The following RBM46 variants were observed in gnomAD, a reference collection of about 807,000 sequenced individuals.
RBM46 encodes the protein probable RNA-binding protein 46.
A neutral mutation model predicts 43.3 loss-of-function variants in RBM46; 12 were observed. The ratio of observed to expected loss-of-function variants is 0.28; its 90% CI spans 0.18 to 0.45. The LOEUF (loss-of-function observed/expected upper bound fraction) is 0.45. Among genes scored for constraint, RBM46 ranks in the 20% least tolerant of loss-of-function variants. RBM46 has a pLI of 1.00. For synonymous variants in RBM46, 205 were observed against 207.6 expected (o/e 0.99, Z 0.11); for missense variants, 412 against 639.1 (o/e 0.64, Z 3.83).
chr4:154,827,802 G>A (rs1736035515), intron 4 of RBM46, 66 bp from the exon 5 acceptor site: 1 of 1,601,254 alleles, frequency 6.2e-7, no homozygotes, highest in Non-Finnish European at 8.5e-7. Context: ...TTAATGCTTT[G>A]TCTCTTTAAA....
intron 1 of RBM46, chr4:154,787,079 TTATAA>T (rs766782080): frequency 2.0e-5 from 3 of 152,206 alleles, no homozygotes; most frequent in Non-Finnish European, 4.4e-5. Context: ...AGATAGATCT[TTATAA>T]TATAACTTTA....
chr4:154,803,844 A>G (rs1420750810), intron 4 of RBM46, among the ~76,000 whole-genome samples: 2 of 151,640 alleles, frequency 1.3e-5, no homozygotes, highest in African/African-American at 4.8e-5. Context: ...GCCAAATCTC[A>G]TGTTGAAATG....
chr4:154,822,772 A>C (rs1353027349), intron 4 of RBM46, among the ~76,000 whole-genome samples: 1 of 151,768 alleles, frequency 6.6e-6, no homozygotes, highest in Non-Finnish European at 1.5e-5. Flanking sequence ...TCTGATAAAC[A>C]TACTTCATAG....
Position 154,796,239 on chromosome 4 carries a change from G to C in RBM46, c.-11-503G>C, listed in dbSNP as rs142335947. Among the ~76,000 whole-genome samples, 4 of 152,264 alleles carry C rather than the reference G, an allele frequency of 2.6e-5. No homozygotes were observed. The East Asian group carries it at 7.7e-4, about 29-fold the overall frequency. ...ATGAGCTGTGCATCAAAGGACTCTG[G>C]GATAACACCCAGATTTCTGGTTGTG... On this transcript the variant is annotated intron_variant, in intron 1 of 4. Coordinates refer to ENST00000281722, the MANE Select transcript of RBM46 (RefSeq NM_144979.5).
intron 4 of RBM46, among the ~76,000 whole-genome samples, chr4:154,824,837 G>T (rs748692565): frequency 2.6e-5 from 4 of 152,068 alleles, no homozygotes; most frequent in African/African-American, 9.7e-5. Context: ...AGGCAAAACT[G>T]ATCTATTGAA....
chr4:154,826,474 G>GATAA (rs1051844899), intron 4 of RBM46, among the ~76,000 whole-genome samples: 4 of 151,970 alleles, frequency 2.6e-5, no homozygotes, highest in African/African-American at 4.8e-5. Flanking sequence ...AATAAATAAA[G>GATAA]ATAAATAAAT....
At chr4:154,813,575 A>G (rs1735287345) in intron 4 of RBM46, among the ~76,000 whole-genome samples, 1 of 152,078 alleles carries the variant, frequency 6.6e-6, no homozygotes, top group Non-Finnish European at 1.5e-5. Flanking sequence ...AAAATTCATT[A>G]TGTAATCCAC....
intron 4 of RBM46, among the ~76,000 whole-genome samples, chr4:154,816,450 T>C (rs1418896944): frequency 4.7e-4 from 72 of 152,240 alleles, no homozygotes; most frequent in Non-Finnish European, 1.2e-4. Context: ...CTTCTACATC[T>C]TTCTCCAGAC....
At chr4:154,796,938 T>G in intron 2 of RBM46, 35 bp downstream of exon 2, 2 of 1,577,328 alleles carry the variant, frequency 1.3e-6, no homozygotes, top group Non-Finnish European at 1.7e-6. Context: ...AAATTTAATC[T>G]TTAACCTCGT....
At chr4:154,798,442 A>T (rs1734454199) in intron 3 of RBM46, among the ~76,000 whole-genome samples, 164 bp downstream of exon 3, 1 of 152,228 alleles carries the variant, frequency 6.6e-6, no homozygotes, top group Non-Finnish European at 1.5e-5. Context: ...AAAGACAAGA[A>T]ATTGTTCCAG....
chr4:154,781,808 A>G (rs1733486208), intron 1 of RBM46: 1 of 152,268 alleles, frequency 6.6e-6, no homozygotes, highest in Non-Finnish European at 1.5e-5. Context: ...ATTTCGTGTT[A>G]TTTTCCTGAC....
At chr4:154,782,576 C>T (rs11931893) in intron 1 of RBM46, among the ~76,000 whole-genome samples, 34,014 of 152,014 alleles carry the variant, frequency 0.22, 4,252 homozygotes, top group Middle Eastern at 0.3. Context: ...TTCCGCCTAC[C>T]GGGTTCAAGC....
At chr4:154,826,629 A>C in intron 4 of RBM46, 1 of 615,694 alleles carries the variant, frequency 1.6e-6, no homozygotes, top group Non-Finnish European at 2.8e-6. Context: ...CCTGGAACAG[A>C]TCGCTTTGTT....
At chr4:154,807,648 G>A (rs1016299206) in intron 4 of RBM46, among the ~76,000 whole-genome samples, 1 of 151,752 alleles carries the variant, frequency 6.6e-6, no homozygotes, top group African/African-American at 2.4e-5. Flanking sequence ...CAATCCCAGA[G>A]CATTTCTTCC....
At chr4:154,794,231 A>C (rs1039232977) in intron 1 of RBM46, among the ~76,000 whole-genome samples, 11 of 134,066 alleles carry the variant, frequency 8.2e-5, no homozygotes, top group African/African-American at 3.3e-4. Flanking sequence ...CCCAGGCTGG[A>C]CTGCAGTGGT....
intron 4 of RBM46, among the ~76,000 whole-genome samples, chr4:154,804,814 G>GT (rs575968520): frequency 0.27 from 30,212 of 113,040 alleles, 3,634 homozygotes; most frequent in Non-Finnish European, 0.33. Context: ...GATTAAGGTT[G>GT]TTTTTTTTTT....
chr4:154,783,066 A>G (rs1370758809), intron 1 of RBM46, among the ~76,000 whole-genome samples: 1 of 152,218 alleles, frequency 6.6e-6, no homozygotes, highest in Non-Finnish European at 1.5e-5. Flanking sequence ...CGTTTAAAAC[A>G]TTCTACTTTA....
chr4:154,783,331 C>T (rs539215322), intron 1 of RBM46, among the ~76,000 whole-genome samples: 2 of 152,098 alleles, frequency 1.3e-5, no homozygotes, highest in Admixed American at 6.5e-5. Flanking sequence ...TTATTAATAA[C>T]GAGAACAAAC....
At chr4:154,827,698 G>A (rs2111230643) in intron 4 of RBM46, 170 bp from the exon 5 acceptor site, 1 of 1,430,540 alleles carries the variant, frequency 7.0e-7, no homozygotes, top group Non-Finnish European at 9.1e-7. Flanking sequence ...CTCAGGATTT[G>A]CAGTGCAGTG....
Sources: allele counts gnomAD v4.1 joint callset (sites outside exome capture counted in the v4.1 genomes callset), GRCh38; gene constraint gnomAD v4.1.1; transcripts MANE v1.5; gene names NCBI Gene and HGNC (gene_info 2026-07-23, HGNC 2026-07-21).